Variants in PCP4 observed in about 807,000 individuals in gnomAD.
PCP4 encodes calmodulin regulator protein PCP4.
Under a neutral mutation model 10.0 loss-of-function variants are expected in PCP4, and 8 were observed. That is an observed-to-expected ratio of 0.80 (90% CI 0.47 to 1.45). The LOEUF is 1.45. PCP4 is among the 40% of genes most tolerant of loss of function. The probability of loss-of-function intolerance (pLI) is 0.00; values close to 1 mark genes in which losing one functional copy is unlikely to be tolerated. For synonymous variants in PCP4, 21 were observed against 23.0 expected, an observed-to-expected ratio of 0.91 and a Z score of 0.24; for missense variants, 54 against 74.4, an observed-to-expected ratio of 0.73 and a Z score of 1.01.
At chr21:39,890,913 A>C (rs1360557857) in intron 1 of PCP4, among the ~76,000 whole-genome samples, 1 of 152,056 alleles carries the variant, frequency 6.6e-6, no homozygotes, top group Admixed American at 6.5e-5. Flanking sequence ...TTTCAAAGGA[A>C]TTTGTTTGTG....
At chr21:39,914,573 C>CAAAAAAAAAAAAAAA (rs55775259) in intron 2 of PCP4, among the ~76,000 whole-genome samples, 4 of 118,886 alleles carry the variant, frequency 3.4e-5, no homozygotes, top group Non-Finnish European at 5.0e-5. Flanking sequence ...AGAGCTGTCT[C>CAAAAAAAAAAAAAAA]AAAAAAAAAA....
intron 1 of PCP4, among the ~76,000 whole-genome samples, chr21:39,888,598 A>T (rs1288466196): frequency 6.6e-6 from 1 of 152,244 alleles, no homozygotes; most frequent in African/African-American, 2.4e-5. Context: ...AAGAGCTGAC[A>T]GCGGTGTGAG....
chr21:39,910,463 C>T (rs548443097), intron 2 of PCP4, among the ~76,000 whole-genome samples: 115 of 152,176 alleles, frequency 7.6e-4, no homozygotes, highest in African/African-American at 2.6e-3. Flanking sequence ...AATCCAATTT[C>T]CCACCAGTCC....
At chr21:39,880,432 T>A (rs374116362) in intron 1 of PCP4, among the ~76,000 whole-genome samples, 2 of 152,206 alleles carry the variant, frequency 1.3e-5, no homozygotes, top group Non-Finnish European at 2.9e-5. Context: ...GGCATATGTA[T>A]GTGCATGTAC....
At chr21:39,910,970 C>T (rs1815593899) in intron 2 of PCP4, among the ~76,000 whole-genome samples, 2 of 152,228 alleles carry the variant, frequency 1.3e-5, no homozygotes, top group Non-Finnish European at 1.5e-5. Context: ...CTTTGGGTTG[C>T]AGCATTGTAC....
At chr21:39,897,170 A>G (rs1568855566) in intron 1 of PCP4, among the ~76,000 whole-genome samples, 2 of 152,122 alleles carry the variant, frequency 1.3e-5, no homozygotes, top group Non-Finnish European at 2.9e-5. Context: ...CGGGTGGATC[A>G]TGGGGTCACG....
At chr21:39,905,306 G>A (rs2087501670) in intron 2 of PCP4, among the ~76,000 whole-genome samples, 1 of 152,080 alleles carries the variant, frequency 6.6e-6, no homozygotes, top group African/African-American at 2.4e-5. Context: ...GGGGTCCTTT[G>A]TGCTTTCGGC....
chr21:39,876,395 A>G (rs1187738658), intron 1 of PCP4, among the ~76,000 whole-genome samples: 1 of 152,132 alleles, frequency 6.6e-6, no homozygotes, highest in Admixed American at 6.5e-5. Flanking sequence ...GGCTTATTTT[A>G]CTTAGCATAA....
chr21:39,909,660 T>A (rs2087529743), intron 2 of PCP4, among the ~76,000 whole-genome samples: 1 of 152,130 alleles, frequency 6.6e-6, no homozygotes, highest in Non-Finnish European at 1.5e-5. Flanking sequence ...AACTGGGAAG[T>A]CAGCGACGTG....
chr21:39,912,327 T>TA (rs373219642), intron 2 of PCP4, among the ~76,000 whole-genome samples: 53,834 of 150,170 alleles, frequency 0.36, 10,635 homozygotes, highest in African/African-American at 0.54. Flanking sequence ...TTTTTTTTTT[T>TA]AAAGTATTTC....
At chr21:39,907,734 T>C (rs2087519367) in intron 2 of PCP4, among the ~76,000 whole-genome samples, 2 of 151,796 alleles carry the variant, frequency 1.3e-5, no homozygotes, top group Admixed American at 6.6e-5. Flanking sequence ...GAGGCGGAGA[T>C]TGAGGTGAGC....
At position 39,906,760 on chromosome 21, in the gene PCP4, C is replaced by T. The variant is rs2087512637; in HGVS notation, c.61+8233C>T. Among the ~76,000 whole-genome samples, 1 of 152,160 alleles carries T rather than the reference C, an allele frequency of 6.6e-6. No homozygotes were observed. Among genetic ancestry groups the T allele is most frequent in the South Asian group, 2.1e-4 (1 of 4,816 alleles). ...AAAAAGTAAAGTTATACATTATTCT[C>T]AATGAATTACTCTTAAAGATCTTCA... is the stretch of plus-strand genomic sequence containing the variant. On this transcript the variant is annotated intron_variant, in intron 2 of 2. Transcript: ENST00000328619. This position sits in a 1 kb window ranked among gnomAD's most constrained non-coding sequence, Gnocchi z 6.3.
chr21:39,926,949 T>G (rs920152427), intron 2 of PCP4, among the ~76,000 whole-genome samples: 1 of 152,220 alleles, frequency 6.6e-6, no homozygotes, highest in African/African-American at 2.4e-5. Context: ...CCCCTGCCTC[T>G]GAAATATTCC....
chr21:39,907,346 C>T (rs921943159), intron 2 of PCP4, among the ~76,000 whole-genome samples: 1 of 152,096 alleles, frequency 6.6e-6, no homozygotes, highest in Admixed American at 6.5e-5. Context: ...CAAGAAAGCT[C>T]TCTAGCAGCC....
intron 1 of PCP4, among the ~76,000 whole-genome samples, chr21:39,874,331 G>A (rs1223646679): frequency 2.6e-5 from 4 of 152,136 alleles, no homozygotes; most frequent in African/African-American, 9.7e-5. Flanking sequence ...ACTTTTGAAT[G>A]TTAAATATTA....
In PCP4 at chr21:39,867,541, CTT is replaced by C. The variant is rs534775643; in HGVS notation, c.9+32_9+33del. The C allele has an allele frequency of 7.7e-4, 1,244 of 1,611,284 alleles. 1 individual carries two copies. The highest frequency in any genetic ancestry group is 9.2e-4 in the Non-Finnish European group (1,079 of 1,177,408). The stretch of plus-strand genomic sequence containing the variant: ...TGATGCTTCGACCTGGAGAGGGAAA[CTT>C]AGGAGTGAGAAGGGACCTCGGCTGA... On this transcript the variant is annotated intron_variant, in intron 1 of 2. Transcript: ENST00000328619.
chr21:39,899,478 T>A (rs2087472912), intron 2 of PCP4, among the ~76,000 whole-genome samples: 1 of 152,142 alleles, frequency 6.6e-6, no homozygotes, highest in African/African-American at 2.4e-5. Flanking sequence ...CTTTGGAGCC[T>A]CTGTGGTGGG....
chr21:39,884,983 G>T (rs1297715557), intron 1 of PCP4, among the ~76,000 whole-genome samples: 1 of 152,174 alleles, frequency 6.6e-6, no homozygotes, highest in Non-Finnish European at 1.5e-5. Context: ...AGTATAGCAT[G>T]ATCATATCAG....
chr21:39,902,653 C>G (rs373732760), intron 2 of PCP4, among the ~76,000 whole-genome samples: 1 of 152,100 alleles, frequency 6.6e-6, no homozygotes, highest in East Asian at 1.9e-4. Flanking sequence ...CACTCAAACC[C>G]GATGTTTCTA....
Sources: gnomAD v4.1 joint callset for allele counts (sites outside exome capture counted in the v4.1 genomes callset) on GRCh38, gnomAD v4.1.1 for gene constraint, Gnocchi (gnomAD v3.1) non-coding constraint, MANE v1.5 for transcripts, NCBI Gene and HGNC (gene_info 2026-07-23, HGNC 2026-07-21) for gene names.